The following PCDHA10 variants were observed in gnomAD, a reference collection of about 807,000 sequenced individuals.
PCDHA10 encodes the protein protocadherin alpha-10.
Under a neutral mutation model 61.2 loss-of-function variants are expected in PCDHA10, and 45 were observed. The ratio of observed to expected loss-of-function variants is 0.74; its 90% CI spans 0.58 to 0.94. The LOEUF (loss-of-function observed/expected upper bound fraction) is 0.94. PCDHA10 is among the 40% of genes least tolerant of loss of function. PCDHA10 has a pLI of 0.00. For missense variants in PCDHA10, 1,278 were observed against 1,236.2 expected (o/e 1.03, Z -0.51); for synonymous variants, 602 against 548.8 (o/e 1.10, Z -1.35).
chr5:140,860,424 C>T (rs1554153356), intron 1 of PCDHA10: 1 of 152,034 alleles, frequency 6.6e-6, no homozygotes, highest in Non-Finnish European at 1.5e-5. Flanking sequence ...CATTATCCTG[C>T]AAATATGATC....
At chr5:140,929,379 GT>G (rs1554207046) in intron 1 of PCDHA10, 1 of 1,513,346 alleles carries the variant, frequency 6.6e-7, no homozygotes, top group African/African-American at 1.4e-5. Context: ...GCTGCTAGCT[GT>G]GTTTTGAAAT....
At chr5:141,006,993 T>A (rs1484865636) in intron 3 of PCDHA10, among the ~76,000 whole-genome samples, 5 of 152,290 alleles carry the variant, frequency 3.3e-5, no homozygotes, top group African/African-American at 4.8e-5. Flanking sequence ...GCTTAAAATA[T>A]AAGTCTGCAT....
At chr5:140,984,790 G>A (rs2097121430) in intron 3 of PCDHA10, among the ~76,000 whole-genome samples, 1 of 152,104 alleles carries the variant, frequency 6.6e-6, no homozygotes, top group Admixed American at 6.5e-5. Flanking sequence ...GGTGAGCATA[G>A]ACAAACTGCC....
At chr5:140,887,254 G>A (rs924715341) in intron 1 of PCDHA10, among the ~76,000 whole-genome samples, 4 of 151,790 alleles carry the variant, frequency 2.6e-5, no homozygotes, top group Admixed American at 2.0e-4. Context: ...CCGCCACCAC[G>A]CCCTGCTAAT....
At chr5:140,999,215 C>T (rs1290752092) in intron 3 of PCDHA10, among the ~76,000 whole-genome samples, 1 of 152,140 alleles carries the variant, frequency 6.6e-6, no homozygotes, top group South Asian at 2.1e-4. Context: ...TCTGGAAGTA[C>T]TACATTTGAG....
chr5:140,856,012 G>A lies in PCDHA10; in HGVS notation c.-37G>A, dbSNP rs1158329125. 3 of 1,546,896 alleles carry A rather than the reference G, an allele frequency of 1.9e-6. No homozygotes were observed. The East Asian group carries it at 6.8e-5, about 35-fold the overall frequency. ...TCAGATCGTATGTGCGTTCTAGACC[G>A]CTGATTCGTCGATTTGTAAAACAAG... is the stretch of plus-strand genomic sequence containing the variant. On this transcript the variant is annotated 5_prime_UTR_variant, in exon 1 of 4. Coordinates refer to ENST00000307360, the MANE Select transcript of PCDHA10 (RefSeq NM_018901.4).
chr5:140,921,705 G>C (rs2080339656), intron 1 of PCDHA10, among the ~76,000 whole-genome samples: 1 of 152,042 alleles, frequency 6.6e-6, no homozygotes, highest in Non-Finnish European at 1.5e-5. Context: ...ATTTTAAACA[G>C]TAAACACACG....
Position 140,869,675 on chromosome 5 carries a change from G to C in PCDHA10, c.2388+11239G>C, listed in dbSNP as rs1040647730. 3 of 1,613,268 alleles carry C rather than the reference G, an allele frequency of 1.9e-6. No homozygotes were observed. The South Asian group carries it at 3.3e-5, about 18-fold the overall frequency. Reference sequence around the variant, plus strand: ...CCAACAAATGGTAAGCAGATTAAAAGACTGTCACTTATTTTAAAGAAGTCT... The same window carrying C: ...CCAACAAATGGTAAGCAGATTAAAACACTGTCACTTATTTTAAAGAAGTCT... On this transcript the variant is annotated intron_variant, in intron 1 of 3. Transcript: ENST00000307360.
chr5:140,903,271 A>T (rs193242810), intron 1 of PCDHA10, among the ~76,000 whole-genome samples: 58 of 152,326 alleles, frequency 3.8e-4, no homozygotes, highest in African/African-American at 1.3e-3. Flanking sequence ...GGAGTGAGGT[A>T]GTGTCTCATT....
intron 1 of PCDHA10, among the ~76,000 whole-genome samples, chr5:140,893,780 C>T (rs966071281): frequency 4.6e-5 from 7 of 151,980 alleles, no homozygotes; most frequent in Admixed American, 6.6e-5. Context: ...TTTCTTTTAC[C>T]GTTTTTAGAA....
At chr5:140,862,765 T>A in intron 1 of PCDHA10, 1 of 576,704 alleles carries the variant, frequency 1.7e-6, no homozygotes. Context: ...CGGCAAGAGG[T>A]ACGCGTTGCA....
chr5:140,867,527 T>C (rs1238140449), intron 1 of PCDHA10: 1 of 152,106 alleles, frequency 6.6e-6, no homozygotes, highest in Non-Finnish European at 1.5e-5. Context: ...TAGTTGAATA[T>C]ATATATAAAA....
At position 140,869,552 on chromosome 5, in the gene PCDHA10, C is replaced by T. The variant is rs537127263; in HGVS notation, c.2388+11116C>T. ...ATTGCGGAATCTAAGCAATCGGACTCGCGTTTTCCACTAGAGGGAGCTTCT... is the reference window on the plus strand; with the variant it reads ...ATTGCGGAATCTAAGCAATCGGACTTGCGTTTTCCACTAGAGGGAGCTTCT... On this transcript the variant is annotated intron_variant, in intron 1 of 3. Transcript: ENST00000307360. 4 of 1,614,140 alleles carry T rather than the reference C, an allele frequency of 2.5e-6. No homozygotes were observed. In the East Asian group the frequency reaches 6.7e-5, roughly 27 times the overall value.
chr5:140,941,214 C>CCTTCCTTTCTTTCTTT (rs1554214040), intron 1 of PCDHA10, among the ~76,000 whole-genome samples: 12 of 122,414 alleles, frequency 9.8e-5, no homozygotes, highest in Admixed American at 6.8e-4. Flanking sequence ...TTTCTTTCTT[C>CCTTCCTTTCTTTCTTT]CTTTCTTTCT....
intron 3 of PCDHA10, among the ~76,000 whole-genome samples, chr5:141,009,291 T>G (rs115348370): frequency 2.9e-3 from 436 of 152,228 alleles, no homozygotes; most frequent in African/African-American, 9.9e-3. Flanking sequence ...CCCATTTCTA[T>G]AAAATTTTTT....
chr5:140,905,750 C>T (rs1349523564), intron 1 of PCDHA10, among the ~76,000 whole-genome samples: 1 of 152,102 alleles, frequency 6.6e-6, no homozygotes, highest in Non-Finnish European at 1.5e-5. Flanking sequence ...GATCTTTCAC[C>T]TCCTTGGTTA....
chr5:140,874,818 T>C (rs1169923118), intron 1 of PCDHA10, among the ~76,000 whole-genome samples: 8 of 152,256 alleles, frequency 5.3e-5, no homozygotes, highest in Admixed American at 5.2e-4. Flanking sequence ...ACAATTTATA[T>C]AAATGAAATA....
At chr5:140,868,631 TTCTC>T (rs1180172037) in intron 1 of PCDHA10, 2 of 154,616 alleles carry the variant, frequency 1.3e-5, no homozygotes, top group African/African-American at 4.8e-5. Flanking sequence ...TGAATTCTCT[TTCTC>T]TCTCACTCTG....
At chr5:140,919,982 G>GA (rs35005979) in intron 1 of PCDHA10, among the ~76,000 whole-genome samples, 49,705 of 152,056 alleles carry the variant, frequency 0.33, 8,403 homozygotes, top group East Asian at 0.53. Flanking sequence ...GATAGAAGAT[G>GA]GAAAACAGAC....
Sources: gnomAD v4.1 joint callset for allele counts (sites outside exome capture counted in the v4.1 genomes callset) on GRCh38, gnomAD v4.1.1 for gene constraint, MANE v1.5 for transcripts, NCBI Gene and HGNC (gene_info 2026-07-23, HGNC 2026-07-21) for gene names.